The following PLPPR3 variants were observed in gnomAD, a reference collection of about 807,000 sequenced individuals.
The protein encoded by PLPPR3 is phospholipid phosphatase-related protein type 3.
A neutral mutation model predicts 27.3 loss-of-function variants in PLPPR3; 14 were observed. The ratio of observed to expected loss-of-function variants is 0.51; its 90% CI spans 0.34 to 0.80. The LOEUF (loss-of-function observed/expected upper bound fraction) is 0.80, where lower values mean the gene tolerates loss of function less well. Ranked by LOEUF, PLPPR3 falls within the 30% of genes least tolerant of loss-of-function variation. The probability of loss-of-function intolerance (pLI) is 0.01; values close to 1 mark genes in which losing one functional copy is unlikely to be tolerated. For synonymous variants in PLPPR3, 671 were observed against 508.0 expected (o/e 1.32, Z -4.32); for missense variants, 1,287 against 1,056.9 (o/e 1.22, Z -3.02).
chr19:814,682 C>T lies in PLPPR3; in HGVS notation c.657+10G>A. ...AGGGCCTGGGAAGGGCAGTGAGGGG[C>T]CGGACTCACCGACACATAGACCGCG... On this transcript the variant is annotated intron_variant, in intron 6 of 7. Coordinates refer to ENST00000520876, the MANE Select transcript of PLPPR3 (RefSeq NM_001270366.2). The T allele has an allele frequency of 6.2e-7, 1 of 1,604,056 alleles. No homozygotes were observed. Among genetic ancestry groups the T allele is most frequent in the Non-Finnish European group, 8.5e-7 (1 of 1,178,766 alleles).
chr19:817,417 C>G (rs1465268847), intron 2 of PLPPR3, among the ~76,000 whole-genome samples: 1 of 152,086 alleles, frequency 6.6e-6, no homozygotes, highest in Non-Finnish European at 1.5e-5. Flanking sequence ...GAATTACAAG[C>G]GTGCACTACC....
rs1256392556 is a variant in PLPPR3, at chr19:813,323, G to C, written c.1404C>G (p.Leu468=). ...CCGGCCGCGCCTGCACGGTGGGGTAGAGCGAGGGCGGGGCCGGGCCCTCGT... is the reference window on the plus strand; with the variant it reads ...CCGGCCGCGCCTGCACGGTGGGGTACAGCGAGGGCGGGGCCGGGCCCTCGT... ...EEDEGPAPPS[L]YPTVQARPGL... is the part of the protein sequence containing the mutation. The change falls in exon 8 of 8, where the codon CTC becomes CTG. Residue 468 remains leucine, a synonymous_variant. Transcript: ENST00000520876. The surrounding 1 kb of genome is among the most constrained non-coding windows in gnomAD (Gnocchi z 4.1). 2.0e-6 allele frequency: 3 copies of C among 1,468,640 alleles called. No homozygotes were observed. Among genetic ancestry groups the C allele is most frequent in the East Asian group, 5.2e-5 (2 of 38,456 alleles). 91.0% of individuals were successfully genotyped at this position (1,468,640 alleles called of 1,614,324 possible).
chr19:812,541 G>GCCCCCCC lies in PLPPR3; in HGVS notation c.*28_*29insGGGGGGG. Reference sequence around the variant, plus strand: ...GCGCGGCCGCCCGCGCCCTCGGCCCGCCCCCCGCCCGCCCCCGGCCCCGCC... The same window carrying GCCCCCCC: ...GCGCGGCCGCCCGCGCCCTCGGCCCGCCCCCCCCCCCCCGCCCGCCCCCGGCCCCGCC... On this transcript the variant is annotated 3_prime_UTR_variant, in exon 8 of 8. Coordinates refer to ENST00000520876, the MANE Select transcript of PLPPR3 (RefSeq NM_001270366.2). 3.2e-5 allele frequency: 20 copies of GCCCCCCC among 617,394 alleles called. No individual in the cohort carries two copies. Among genetic ancestry groups the GCCCCCCC allele is most frequent in the Non-Finnish European group, 4.0e-5 (20 of 496,528 alleles). 38.2% of individuals were successfully genotyped at this position (617,394 alleles called of 1,614,324 possible).
chr19:818,224 A>C (rs1388258299), intron 2 of PLPPR3, among the ~76,000 whole-genome samples: 3 of 151,860 alleles, frequency 2.0e-5, no homozygotes, highest in Non-Finnish European at 4.4e-5. Flanking sequence ...CTCTACTAAA[A>C]ATACAAAAAT....
chr19:812,595 A>T lies in PLPPR3; in HGVS notation c.2132T>A (p.Met711Lys), dbSNP rs891729946. 1.0e-5 allele frequency: 11 copies of T among 1,084,644 alleles called. No individual in the cohort carries two copies. The highest frequency in any genetic ancestry group is 1.2e-5 in the Non-Finnish European group (11 of 890,862). The allele number at this position is 1,084,644 out of a possible 1,614,324, so 67.2% of individuals were successfully genotyped here. A position where few individuals can be genotyped will look rare whatever the true frequency, so the allele number is the denominator to read the frequency against. Residue 711 changes from methionine to lysine, a missense_variant, in exon 8 of 8, where the codon ATG becomes AAG. Physicochemically the swap from Met to Lys is moderately conservative, Grantham distance 95. Transcript: ENST00000520876. ...CTAGTCGGGGAAGCGGCGCGCCTGC[A>T]TCTTGCGGAAGTAGCCCTCGGCCTC... is the stretch of plus-strand genomic sequence containing the variant. ...EAEAEGYFRK[M>K]QARRFPD
Position 813,518 on chromosome 19 carries a change from G to C in PLPPR3, c.1209C>G (p.Arg403=), listed in dbSNP as rs1309907739. The change falls in exon 8 of 8, where the codon CGC becomes CGG. Residue 403 remains arginine, a synonymous_variant. Transcript: ENST00000520876. The surrounding 1 kb of genome is among the most constrained non-coding windows in gnomAD (Gnocchi z 4.1). Reference sequence around the variant, plus strand: ...TCCACTCGCTGATGAGCTGCTTGGAGCGCGAGGCGTCCAGCGGCACGTGGA... The same window carrying C: ...TCCACTCGCTGATGAGCTGCTTGGACCGCGAGGCGTCCAGCGGCACGTGGA... ...MTIHVPLDAS[R]SKQLISEWKQ... 1.9e-6 allele frequency: 3 copies of C among 1,558,504 alleles called. No homozygotes were observed. The highest frequency in any genetic ancestry group is 2.6e-6 in the Non-Finnish European group (3 of 1,154,654).
rs753636060 is a variant in PLPPR3, at chr19:813,034, C to T, written c.1693G>A (p.Asp565Asn). 6 of 1,516,510 alleles carry T rather than the reference C, an allele frequency of 4.0e-6. No individual in the cohort carries two copies. The highest frequency in any genetic ancestry group is 3.6e-5 in the South Asian group (3 of 83,304). The allele number at this position is 1,516,510 out of a possible 1,614,324, so 93.9% of individuals were successfully genotyped here. A position where few individuals can be genotyped will look rare whatever the true frequency, so the allele number is the denominator to read the frequency against. Residue 565 changes from aspartate to asparagine, a missense_variant, in exon 8 of 8, where the codon GAC becomes AAC. Coordinates refer to ENST00000520876, the MANE Select transcript of PLPPR3 (RefSeq NM_001270366.2). This position sits in a 1 kb window ranked among gnomAD's most constrained non-coding sequence, Gnocchi z 4.1. ...ETASSSSASS[D>N]SSQYRSPSDR... ...GACGGCGACCGGTACTGCGAGGAGT[C>T]GGAGCTGGCGCTGGACGACGACGCC... is the stretch of plus-strand genomic sequence containing the variant.
In PLPPR3 at chr19:813,099, G is replaced by T. The variant is rs1460694767; in HGVS notation, c.1628C>A (p.Ser543Tyr). The T allele has an allele frequency of 1.3e-6, 2 of 1,502,592 alleles. No individual in the cohort carries two copies. Among genetic ancestry groups the T allele is most frequent in the Non-Finnish European group, 8.8e-7 (1 of 1,136,854 alleles). The allele number at this position is 1,502,592 out of a possible 1,614,324, so 93.1% of individuals were successfully genotyped here. The change falls in exon 8 of 8, where the codon TCC (serine) becomes TAC (tyrosine). Residue 543 changes from serine (S) to tyrosine (Y), a missense_variant. Transcript: ENST00000520876. The surrounding 1 kb of genome is among the most constrained non-coding windows in gnomAD (Gnocchi z 4.1). ...PPRLLQVIAMSKAPGAPGPKA... is the reference protein window; with the variant it reads ...PPRLLQVIAMYKAPGAPGPKA... ...GGGGCCCGGCGCGCCCGGAGCCTTGGACATGGCGATGACCTGCAGCAGCCG... is the reference window on the plus strand; with the variant it reads ...GGGGCCCGGCGCGCCCGGAGCCTTGTACATGGCGATGACCTGCAGCAGCCG...
chr19:814,395 G>C, intron 7 of PLPPR3, 39 bp downstream of exon 7: 2 of 1,553,306 alleles, frequency 1.3e-6, no homozygotes, highest in South Asian at 2.4e-5. Context: ...CAGATCCCCT[G>C]GGAACCCATG....
At chr19:823,441 CAA>C (rs905654427), upstream of PLPPR3, among the ~76,000 whole-genome samples, 312 of 40,056 alleles carry the variant, frequency 7.8e-3, 1 homozygote, top group African/African-American at 0.038. Flanking sequence ...GACTCTATCT[CAA>C]AAAAAAAAAA....
At chr19:823,453 A>G (rs1399763335), upstream of PLPPR3, among the ~76,000 whole-genome samples, 2 of 140,104 alleles carry the variant, frequency 1.4e-5, no homozygotes, top group Non-Finnish European at 2.9e-5. Flanking sequence ...AAAAAAAAAA[A>G]AAAAACAAAC....
chr19:823,703 A>AG (rs1274316539), upstream of PLPPR3, among the ~76,000 whole-genome samples: 1 of 152,118 alleles, frequency 6.6e-6, no homozygotes, highest in African/African-American at 2.4e-5. Flanking sequence ...CGGTTCCTGC[A>AG]GGGGGGCTCG....
intron 2 of PLPPR3, among the ~76,000 whole-genome samples, chr19:819,434 C>T (rs2035113168): frequency 6.6e-6 from 1 of 151,904 alleles, no homozygotes; most frequent in South Asian, 2.1e-4. Flanking sequence ...GCGCCCACCA[C>T]TACGACCACC....
Position 813,444 on chromosome 19 carries a change from C to T in PLPPR3, c.1283G>A (p.Ser428Asn). Residue 428 changes from serine (S) to asparagine (N), a missense_variant, in exon 8 of 8, where the codon AGC becomes AAC. Ser to Asn is a conservative substitution (Grantham distance 46). Transcript: ENST00000520876. This position sits in a 1 kb window ranked among gnomAD's most constrained non-coding sequence, Gnocchi z 4.1. ...GGCGGGCGCGCGCAGGTGCCCGGGG[C>T]TGGCGTCGTCGGGCAGCCCCAGGCC... ...GRGLGLPDDA[S>N]PGHLRAPAEP... The T allele has an allele frequency of 2.6e-6, 4 of 1,526,454 alleles. No homozygotes were observed. The highest frequency in any genetic ancestry group is 2.6e-6 in the Non-Finnish European group (3 of 1,142,104). 94.6% of individuals were successfully genotyped at this position (1,526,454 alleles called of 1,614,324 possible). A position where few individuals can be genotyped will look rare whatever the true frequency, so the allele number is the denominator to read the frequency against.
In PLPPR3 at chr19:813,987, G is replaced by C; in HGVS notation, c.832-92C>G. ...ACTTGCCGCGGGGGGCTCTGGACCG[G>C]GGGTGGGGGCTGGCAAGCTCTTGTC... is the stretch of plus-strand genomic sequence containing the variant. On this transcript the variant is annotated intron_variant, in intron 7 of 7. Coordinates refer to ENST00000520876, the MANE Select transcript of PLPPR3 (RefSeq NM_001270366.2). The surrounding 1 kb of genome is among the most constrained non-coding windows in gnomAD (Gnocchi z 4.1). 3 of 1,286,322 alleles carry C rather than the reference G, an allele frequency of 2.3e-6. No homozygotes were observed. The South Asian group carries it at 4.9e-5, about 21-fold the overall frequency. The allele number at this position is 1,286,322 out of a possible 1,614,324, so 79.7% of individuals were successfully genotyped here. A position where few individuals can be genotyped will look rare whatever the true frequency, so the allele number is the denominator to read the frequency against.
chr19:812,536 GGCCCGCCCCCC>G lies in PLPPR3; in HGVS notation c.*23_*33del, dbSNP rs955900352. The G allele has an allele frequency of 4.7e-4, 464 of 979,214 alleles. 4 individuals are homozygous for G. Among genetic ancestry groups the G allele is most frequent in the East Asian group, 1.8e-3 (17 of 9,450 alleles). 60.7% of individuals were successfully genotyped at this position (979,214 alleles called of 1,614,324 possible). A position where few individuals can be genotyped will look rare whatever the true frequency, so the allele number is the denominator to read the frequency against. On this transcript the variant is annotated 3_prime_UTR_variant, in exon 8 of 8. Coordinates refer to ENST00000520876, the MANE Select transcript of PLPPR3 (RefSeq NM_001270366.2). Reference sequence around the variant, plus strand: ...CATCCGCGCGGCCGCCCGCGCCCTCGGCCCGCCCCCCGCCCGCCCCCGGCCCCGCCGCGCTA... The same window carrying G: ...CATCCGCGCGGCCGCCCGCGCCCTCGGCCCGCCCCCGGCCCCGCCGCGCTA...
chr19:812,503 T>G lies in PLPPR3; in HGVS notation c.*67A>C. 5 of 979,226 alleles carry G rather than the reference T, an allele frequency of 5.1e-6. No homozygotes were observed. The highest frequency in any genetic ancestry group is 6.1e-6 in the Non-Finnish European group (5 of 822,764). 60.7% of individuals were successfully genotyped at this position (979,226 alleles called of 1,614,324 possible). A position where few individuals can be genotyped will look rare whatever the true frequency, so the allele number is the denominator to read the frequency against. ...GAGCCGGACCTCGGTTTCTGCCGCT[T>G]TATTGAGCATCCGCGCGGCCGCCCG... is the stretch of plus-strand genomic sequence containing the variant. On this transcript the variant is annotated 3_prime_UTR_variant, in exon 8 of 8. Transcript: ENST00000520876.
rs1568286998 is a variant in PLPPR3 at position 818,958 on chromosome 19, CTTAT to C, written c.75+2523_75+2526del. On this transcript the variant is annotated intron_variant, in intron 2 of 7. Transcript: ENST00000520876. ...ACAGGTGTGAGCCACTGCGCTCGGC[CTTAT>C]TATTATTATTTTATTTATTATTATT... Among the ~76,000 whole-genome samples the C allele has an allele frequency of 2.1e-3, 253 of 120,254 alleles. 29 individuals are homozygous for C. The highest frequency in any genetic ancestry group is 3.2e-3 in the African/African-American group (91 of 28,328). The allele number at this position is 120,254 out of a possible 152,430, so 78.9% of individuals were successfully genotyped here.
chr19:816,375 T>C (rs1360530390), intron 2 of PLPPR3, among the ~76,000 whole-genome samples: 37 of 50,612 alleles, frequency 7.3e-4, no homozygotes, highest in Middle Eastern at 8.8e-3. Context: ...CAGCCATTCA[T>C]CCATCCATCC....
Sources: gnomAD v4.1 joint callset for allele counts (sites outside exome capture counted in the v4.1 genomes callset) on GRCh38, gnomAD v4.1.1 for gene constraint, Gnocchi (gnomAD v3.1) non-coding constraint, MANE v1.5 for transcripts, NCBI Gene and HGNC (gene_info 2026-07-23, HGNC 2026-07-21) for gene names.